Variants in TEAD2 observed in about 807,000 individuals in gnomAD.
TEAD2 encodes the protein TEA domain transcription factor 2, also known as transcriptional enhancer factor TEF-4.
TEAD2 carries 51 observed loss-of-function variants against 61.4 expected under a neutral mutation model. That is an observed-to-expected ratio of 0.83 (90% confidence interval 0.66 to 1.05). The LOEUF is 1.05. Among genes scored for constraint, TEAD2 ranks in the 50% least tolerant of loss-of-function variants. The pLI, the probability that TEAD2 is intolerant of heterozygous loss-of-function variation, is 0.00. For missense variants in TEAD2, 509 were observed against 600.0 expected, an observed-to-expected ratio of 0.85 and a Z score of 1.58; for synonymous variants, 244 against 243.2, an observed-to-expected ratio of 1.00 and a Z score of -0.03.
chr19:49,355,910 G>C, intron 5 of TEAD2, 49 bp downstream of exon 5: 1 of 1,296,718 alleles, frequency 7.7e-7, no homozygotes, highest in Non-Finnish European at 9.8e-7. Context: ...CAGGGACAGG[G>C]CACTAGTTTG....
rs1373896224 is a variant in TEAD2 at position 49,357,318 on chromosome 19, GA to G, written c.298-5del. The stretch of plus-strand genomic sequence containing the variant: ...AAACCTGGATGTGACTAGAAACCTG[GA>G]AGGATCAACGGAGAAGCAGATTCAG... On this transcript the variant is annotated splice_polypyrimidine_tract_variant and splice_region_variant and intron_variant, in intron 3 of 12. Coordinates refer to ENST00000593945, the MANE Select transcript of TEAD2 (RefSeq NM_001256660.2). 3 of 1,613,572 alleles carry G rather than the reference GA, an allele frequency of 1.9e-6. No homozygotes were observed. Among genetic ancestry groups the G allele is most frequent in the Non-Finnish European group, 2.5e-6 (3 of 1,179,932 alleles).
chr19:49,351,034 C>T (rs1379533850), intron 8 of TEAD2, among the ~76,000 whole-genome samples: 1 of 152,024 alleles, frequency 6.6e-6, no homozygotes, highest in Non-Finnish European at 1.5e-5. Context: ...CAAAAATTAG[C>T]CCGGCATGGT....
rs750628556 is a variant in TEAD2 at position 49,359,474 on chromosome 19, G to A, written c.258C>T (p.Tyr86=). 6.2e-7 allele frequency: 1 copy of A among 1,613,966 alleles called. No individual in the cohort carries two copies. The highest frequency in any genetic ancestry group is 1.3e-5 in the African/African-American group (1 of 74,898). ...GGGTCTTCCCCGTTCTCAGCTTGATGTAGCGGGCGATCAGTTCATTCCGAC... is the reference window on the plus strand; with the variant it reads ...GGGTCTTCCCCGTTCTCAGCTTGATATAGCGGGCGATCAGTTCATTCCGAC... ...MYGRNELIAR[Y]IKLRTGKTRT... is the part of the protein sequence containing the mutation. The change falls in exon 3 of 13, where the codon TAC becomes TAT. Residue 86 remains tyrosine, a synonymous_variant. Transcript: ENST00000593945. This position sits in a 1 kb window ranked among gnomAD's most constrained non-coding sequence, Gnocchi z 4.1.
intron 10 of TEAD2, among the ~76,000 whole-genome samples, chr19:49,346,528 G>A (rs538111470): frequency 7.3e-5 from 11 of 151,674 alleles, no homozygotes; most frequent in African/African-American, 9.7e-5. Flanking sequence ...GTGGTGGCGG[G>A]TGCCTGTAGT....
Position 49,341,446 on chromosome 19 carries a change from A to G in TEAD2, c.1243-9T>C. 6.2e-7 allele frequency: 1 copy of G among 1,612,652 alleles called. No individual in the cohort carries two copies. The highest frequency in any genetic ancestry group is 8.5e-7 in the Non-Finnish European group (1 of 1,178,876). On this transcript the variant is annotated splice_polypyrimidine_tract_variant and intron_variant, in intron 12 of 12. Transcript: ENST00000593945. This position sits in a 1 kb window ranked among gnomAD's most constrained non-coding sequence, Gnocchi z 4.2. ...TCTCTGTTTGTCACCACCTGCCAGG[A>G]AGGCCAGGACAAGGGACTTATGCTT... is the stretch of plus-strand genomic sequence containing the variant.
At chr19:49,343,866 G>GGGGGA (rs1304067102) in intron 10 of TEAD2, among the ~76,000 whole-genome samples, 2 of 127,616 alleles carry the variant, frequency 1.6e-5, no homozygotes, top group Non-Finnish European at 3.5e-5. Flanking sequence ...GGGGGGGGGG[G>GGGGGA]AACAGGGTCT....
rs1469943184 is a variant in TEAD2 at position 49,341,016 on chromosome 19, T to C, written c.*308A>G. 2 of 282,772 alleles carry C rather than the reference T, an allele frequency of 7.1e-6. No homozygotes were observed. The highest frequency in any genetic ancestry group is 1.4e-5 in the Non-Finnish European group (2 of 147,506). 17.5% of individuals were successfully genotyped at this position (282,772 alleles called of 1,614,324 possible). A position where few individuals can be genotyped will look rare whatever the true frequency, so the allele number is the denominator to read the frequency against. ...AGGGGCTGAAAAGAAAAGCCAGTGCTGTACCTGGGGGGTTGTCTCACTCCT... is the reference window on the plus strand; with the variant it reads ...AGGGGCTGAAAAGAAAAGCCAGTGCCGTACCTGGGGGGTTGTCTCACTCCT... On this transcript the variant is annotated 3_prime_UTR_variant, in exon 13 of 13. Coordinates refer to ENST00000593945, the MANE Select transcript of TEAD2 (RefSeq NM_001256660.2). The surrounding 1 kb of genome is among the most constrained non-coding windows in gnomAD (Gnocchi z 4.2).
rs1323635564 is a variant in TEAD2 at position 49,360,494 on chromosome 19, A to G, written c.-6-413T>C. 2.0e-5 allele frequency: 4 copies of G among 203,130 alleles called. No homozygotes were observed. In the East Asian group the frequency reaches 4.8e-4, roughly 25 times the overall value. The allele number at this position is 203,130 out of a possible 1,614,324, so 12.6% of individuals were successfully genotyped here. On this transcript the variant is annotated intron_variant, in intron 1 of 12. Coordinates refer to ENST00000593945, the MANE Select transcript of TEAD2 (RefSeq NM_001256660.2). The stretch of plus-strand genomic sequence containing the variant: ...GAGTGTTCTCAGAGTTTCCAGAGGA[A>G]CTCAATTGTGATGAAGTCACAATGA...
At position 49,341,152 on chromosome 19, in the gene TEAD2, A is replaced by G. The variant is rs1722374246; in HGVS notation, c.*172T>C. ...CAGTCCCAGCCTGTTCAGCTCTCCAACCAAGTTTTGGGGGCCCCTCTAATG... is the reference window on the plus strand; with the variant it reads ...CAGTCCCAGCCTGTTCAGCTCTCCAGCCAAGTTTTGGGGGCCCCTCTAATG... On this transcript the variant is annotated 3_prime_UTR_variant, in exon 13 of 13. Coordinates refer to ENST00000593945, the MANE Select transcript of TEAD2 (RefSeq NM_001256660.2). The surrounding 1 kb of genome is among the most constrained non-coding windows in gnomAD (Gnocchi z 4.2). The G allele has an allele frequency of 1.7e-6, 1 of 605,686 alleles. No homozygotes were observed. Among genetic ancestry groups the G allele is most frequent in the South Asian group, 2.0e-5 (1 of 50,966 alleles). The allele number at this position is 605,686 out of a possible 1,614,324, so 37.5% of individuals were successfully genotyped here.
intron 7 of TEAD2, among the ~76,000 whole-genome samples, 157 bp from the exon 8 acceptor site, chr19:49,351,522 T>C (rs1972023580): frequency 1.3e-5 from 2 of 152,168 alleles, no homozygotes; most frequent in Non-Finnish European, 2.9e-5. Flanking sequence ...ATGACTGCTC[T>C]TTTCATTGCA....
In TEAD2 at chr19:49,359,801, A is replaced by C; in HGVS notation, c.232+43T>G. 6 of 1,575,698 alleles carry C rather than the reference A, an allele frequency of 3.8e-6. No individual in the cohort carries two copies. Among genetic ancestry groups the C allele is most frequent in the Non-Finnish European group, 5.2e-6 (6 of 1,149,932 alleles). On this transcript the variant is annotated intron_variant, in intron 2 of 12. Transcript: ENST00000593945. The surrounding 1 kb of genome is among the most constrained non-coding windows in gnomAD (Gnocchi z 4.1). ...TCCATAAACCTTGGTTACTGTCATT[A>C]TTCATCAGTGGGGGCCAGGGCAAAA...
rs954142472 is a variant in TEAD2 at position 49,343,329 on chromosome 19, A to G, written c.991T>C (p.Tyr331His). The change falls in exon 11 of 13, where the codon TAC (tyrosine) becomes CAC (histidine). Residue 331 changes from tyrosine (Y) to histidine (H), a missense_variant. Transcript: ENST00000593945. ...CTCTCATACTGGCTGCTCACTCCGT[A>G]GAAGCCACCACTGCTGATGCTGCCA... ...AGGSISSGGF[Y>H]GVSSQYESLE... 1.9e-6 allele frequency: 3 copies of G among 1,613,960 alleles called. No homozygotes were observed. The highest frequency in any genetic ancestry group is 2.5e-6 in the Non-Finnish European group (3 of 1,179,990).
intron 10 of TEAD2, among the ~76,000 whole-genome samples, chr19:49,346,594 T>C (rs1971658288): frequency 6.6e-6 from 1 of 151,692 alleles, no homozygotes; most frequent in South Asian, 2.1e-4. Flanking sequence ...GAGGCGGAGG[T>C]TGCCGTGAGC....
At chr19:49,347,385 T>G (rs762544977) in intron 9 of TEAD2, 22 bp from the exon 10 acceptor site, 3 of 1,598,448 alleles carry the variant, frequency 1.9e-6, no homozygotes, top group Non-Finnish European at 2.6e-6. Context: ...TGGCCGTGGG[T>G]GAGAAGTCGG....
Position 49,341,638 on chromosome 19 carries a change from G to A in TEAD2, c.1243-201C>T, listed in dbSNP as rs1481580184. On this transcript the variant is annotated intron_variant, in intron 12 of 12. Transcript: ENST00000593945. This position sits in a 1 kb window ranked among gnomAD's most constrained non-coding sequence, Gnocchi z 4.2. ...GCAATGGGGGTTACCCCTCAGCTGA[G>A]CGTTGGCAGTTATGGTGTATCACAT... Among the ~76,000 whole-genome samples the A allele has an allele frequency of 6.6e-6, 1 of 152,172 alleles. No homozygotes were observed. Among genetic ancestry groups the A allele is most frequent in the Non-Finnish European group, 1.5e-5 (1 of 68,032 alleles).
chr19:49,348,380 GATAA>G (rs1479757415), intron 9 of TEAD2, among the ~76,000 whole-genome samples: 1 of 152,188 alleles, frequency 6.6e-6, no homozygotes. Context: ...AAACACGTTT[GATAA>G]ATGAATGAAT....
chr19:49,343,447 A>G (rs1410620276), intron 10 of TEAD2, 49 bp from the exon 11 acceptor site: 12 of 1,540,432 alleles, frequency 7.8e-6, no homozygotes, highest in Non-Finnish European at 1.0e-5. Flanking sequence ...TCCCTTATAA[A>G]CAGTGGGGAC....
chr19:49,351,176 TCAAAACAAAA>T, intron 8 of TEAD2, 115 bp downstream of exon 8: 2 of 1,013,008 alleles, frequency 2.0e-6, no homozygotes, highest in Non-Finnish European at 2.9e-6. Flanking sequence ...AGACTCCATC[TCAAAACAAAA>T]CAAAATAAAA....
chr19:49,348,150 G>A (rs1488458993), intron 9 of TEAD2, among the ~76,000 whole-genome samples: 1 of 149,126 alleles, frequency 6.7e-6, no homozygotes, highest in Non-Finnish European at 1.5e-5. Flanking sequence ...CAAAATGGAA[G>A]GAGCCTGGAT....
Sources: gnomAD v4.1 joint callset for allele counts (sites outside exome capture counted in the v4.1 genomes callset) on GRCh38, gnomAD v4.1.1 for gene constraint, Gnocchi (gnomAD v3.1) non-coding constraint, MANE v1.5 for transcripts, NCBI Gene and HGNC (gene_info 2026-07-23, HGNC 2026-07-21) for gene names.